The following SMC6 variants were observed in gnomAD, a reference collection of about 807,000 sequenced individuals.
SMC6 encodes structural maintenance of chromosomes 6, also known as structural maintenance of chromosomes protein 6.
SMC6 carries 79 observed loss-of-function variants against 142.2 expected under a neutral mutation model. The ratio of observed to expected loss-of-function variants is 0.56; its 90% CI spans 0.46 to 0.67. The LOEUF (loss-of-function observed/expected upper bound fraction) is 0.67. Ranked by LOEUF, SMC6 falls within the 30% of genes least tolerant of loss-of-function variation. SMC6 has a pLI of 0.00. For synonymous variants in SMC6, 411 were observed against 412.4 expected (o/e 1.00, Z 0.04); for missense variants, 1,072 against 1,284.0 (o/e 0.83, Z 2.52).
chr2:17,738,237 C>T lies in SMC6; in HGVS notation c.328G>A (p.Val110Met). 2 of 1,612,614 alleles carry T rather than the reference C, an allele frequency of 1.2e-6. No individual in the cohort carries two copies. Among genetic ancestry groups the T allele is most frequent in the East Asian group, 2.2e-5 (1 of 44,858 alleles). The change falls in exon 5 of 28, where the codon GTG (valine) becomes ATG (methionine). Residue 110 changes from valine to methionine, a missense_variant. Coordinates refer to ENST00000448223, the MANE Select transcript of SMC6 (RefSeq NM_001142286.2). ...AACACTTACTTCTGTCCATCTTTCA[C>T]AAAACCTTTTAAAGAGGATCCTCTA... ...TNRGSSLKGFVKDGQNSADIS... is the reference protein window; with the variant it reads ...TNRGSSLKGFMKDGQNSADIS...
chr2:17,713,790 A>G (rs1285616234), intron 16 of SMC6, among the ~76,000 whole-genome samples: 3 of 152,252 alleles, frequency 2.0e-5, no homozygotes, highest in South Asian at 4.1e-4. Flanking sequence ...ATAACTCCCA[A>G]TGTCATGCTT....
At chr2:17,684,714 C>CTA (rs1667373047) in intron 23 of SMC6, among the ~76,000 whole-genome samples, 1 of 152,126 alleles carries the variant, frequency 6.6e-6, no homozygotes, top group African/African-American at 2.4e-5. Context: ...GTGGTCCCAG[C>CTA]TACTCAGGAG....
At chr2:17,674,154 A>C (rs1246830659) in intron 25 of SMC6, among the ~76,000 whole-genome samples, 1 of 152,150 alleles carries the variant, frequency 6.6e-6, no homozygotes, top group Admixed American at 6.5e-5. Context: ...TTAGATCATT[A>C]ATGTTCAGCC....
intron 23 of SMC6, among the ~76,000 whole-genome samples, chr2:17,684,301 C>T (rs1006885635): frequency 2.0e-5 from 3 of 152,150 alleles, no homozygotes; most frequent in African/African-American, 7.2e-5. Flanking sequence ...AAAGGCAACC[C>T]TGGTCGAGGC....
In SMC6 at chr2:17,707,344, T is replaced by C; in HGVS notation, c.1881A>G (p.Gln627=). ...CTTCTCTACAATTTTTGGGTGGCTT[T>C]TGGGACTGCATTACTGCACGAGCTA... ...NSVARAVMQS[Q]KPPKNCREAF... is the part of the protein sequence containing the mutation. Residue 627 remains glutamine (Q), a synonymous_variant, in exon 18 of 28, where the codon CAA becomes CAG. Coordinates refer to ENST00000448223, the MANE Select transcript of SMC6 (RefSeq NM_001142286.2). 1 of 1,599,618 alleles carries C rather than the reference T, an allele frequency of 6.3e-7. No homozygotes were observed.
rs966232312 is a variant in SMC6, at chr2:17,715,735, A to G, written c.1525+351T>C. Among the ~76,000 whole-genome samples, 5 of 152,144 alleles carry G rather than the reference A, an allele frequency of 3.3e-5. No homozygotes were observed. The South Asian group carries it at 8.3e-4, about 25-fold the overall frequency. Reference sequence around the variant, plus strand: ...AAATAGAAACTAAGAAAGAAAAGTCATTTTAAAAAGATTACCAAAATTCAG... The same window carrying G: ...AAATAGAAACTAAGAAAGAAAAGTCGTTTTAAAAAGATTACCAAAATTCAG... On this transcript the variant is annotated intron_variant, in intron 15 of 27. Transcript: ENST00000448223.
chr2:17,706,740 A>T (rs1668529299), intron 18 of SMC6, among the ~76,000 whole-genome samples: 1 of 152,120 alleles, frequency 6.6e-6, no homozygotes, highest in East Asian at 1.9e-4. Context: ...TGTCTATTCT[A>T]GTAGCTGTAT....
intron 16 of SMC6, among the ~76,000 whole-genome samples, chr2:17,714,419 A>C (rs1241124550): frequency 6.6e-6 from 1 of 152,142 alleles, no homozygotes; most frequent in Non-Finnish European, 1.5e-5. Context: ...AGTATTAGCC[A>C]GTAGTTAGCA....
rs1469347590 is a variant in SMC6 at position 17,740,214 on chromosome 2, T to C, written c.238+1398A>G. Among the ~76,000 whole-genome samples the C allele has an allele frequency of 2.0e-5, 3 of 152,240 alleles. No homozygotes were observed. The East Asian group carries it at 5.8e-4, about 29-fold the overall frequency. On this transcript the variant is annotated intron_variant, in intron 4 of 27. Coordinates refer to ENST00000448223, the MANE Select transcript of SMC6 (RefSeq NM_001142286.2). ...TCAGAACCCATCAGTATTTATTTCT[T>C]GTCCCATGTGACCCCTCTAAAACAG... is the stretch of plus-strand genomic sequence containing the variant.
chr2:17,732,760 A>G (rs1669973496), intron 5 of SMC6, among the ~76,000 whole-genome samples: 1 of 152,156 alleles, frequency 6.6e-6, no homozygotes, highest in Non-Finnish European at 1.5e-5. Context: ...CTGGCATTAA[A>G]AAGACATATT....
At chr2:17,706,960 AG>A (rs966179170) in intron 18 of SMC6, among the ~76,000 whole-genome samples, 1 of 152,190 alleles carries the variant, frequency 6.6e-6, no homozygotes, top group African/African-American at 2.4e-5. Context: ...CTTGAGGACA[AG>A]TAACAAATAG....
At chr2:17,702,894 C>A (rs1246660691) in intron 19 of SMC6, among the ~76,000 whole-genome samples, 1 of 152,058 alleles carries the variant, frequency 6.6e-6, no homozygotes, top group Non-Finnish European at 1.5e-5. Context: ...TATTAATTAC[C>A]CAGTCTTGGG....
At position 17,696,502 on chromosome 2, in the gene SMC6, G is replaced by A. The variant is rs371186948; in HGVS notation, c.2395-76C>T. ...TAGGTATAAAGATAATAAACAACTC[G>A]GTAAAGTGGCTAGGATTATGCTGTT... On this transcript the variant is annotated intron_variant, in intron 21 of 27. Coordinates refer to ENST00000448223, the MANE Select transcript of SMC6 (RefSeq NM_001142286.2). The A allele has an allele frequency of 2.4e-5, 35 of 1,450,000 alleles. No homozygotes were observed. The South Asian group carries it at 3.5e-4, about 14-fold the overall frequency. 89.8% of individuals were successfully genotyped at this position (1,450,000 alleles called of 1,614,324 possible). A position where few individuals can be genotyped will look rare whatever the true frequency, so the allele number is the denominator to read the frequency against.
In SMC6 at chr2:17,703,893, G is replaced by A. The variant is rs1210441043; in HGVS notation, c.2007-601C>T. 5.3e-5 allele frequency among the ~76,000 whole-genome samples: 8 copies of A among 151,376 alleles called. No individual in the cohort carries two copies. The South Asian group carries it at 1.0e-3, about 20-fold the overall frequency. Reference sequence around the variant, plus strand: ...ATAACATCTAAAATATATATTAATCGGCTATTTATATTATCAGTAAGGCTT... The same window carrying A: ...ATAACATCTAAAATATATATTAATCAGCTATTTATATTATCAGTAAGGCTT... On this transcript the variant is annotated intron_variant, in intron 18 of 27. Transcript: ENST00000448223.
chr2:17,749,998 A>T (rs1042844844), intron 2 of SMC6, among the ~76,000 whole-genome samples: 1 of 152,244 alleles, frequency 6.6e-6, no homozygotes, highest in Admixed American at 6.5e-5. Flanking sequence ...TATGGTAAAC[A>T]ACTTCATTTT....
At chr2:17,736,682 G>A (rs1432491651) in intron 5 of SMC6, among the ~76,000 whole-genome samples, 1 of 150,616 alleles carries the variant, frequency 6.6e-6, no homozygotes, top group East Asian at 1.9e-4. Context: ...GAGCCCAGGA[G>A]TTCGAGGCCA....
chr2:17,738,584 G>T (rs1452032437), intron 4 of SMC6, among the ~76,000 whole-genome samples: 2 of 152,178 alleles, frequency 1.3e-5, no homozygotes, highest in Non-Finnish European at 2.9e-5. Context: ...AAAGAAAATG[G>T]TAAAAATTGT....
At chr2:17,753,305 G>C (rs914543087) in intron 1 of SMC6, among the ~76,000 whole-genome samples, 4 of 143,256 alleles carry the variant, frequency 2.8e-5, no homozygotes, top group Admixed American at 2.8e-4. Context: ...ACAGTTATTC[G>C]CCACAGCCCG....
chr2:17,664,931 T>TG lies in SMC6; in HGVS notation c.*567dup, dbSNP rs1490904895. On this transcript the variant is annotated 3_prime_UTR_variant, in exon 28 of 28. Transcript: ENST00000448223. ...CTGCGTCATTATCCAGTTCTGATAC[T>TG]GGTTATAAGCTCTTGGTAGGGTGGA... 1 of 152,330 alleles carries TG rather than the reference T, an allele frequency of 6.6e-6. No homozygotes were observed. Among genetic ancestry groups the TG allele is most frequent in the African/African-American group, 2.4e-5 (1 of 41,448 alleles). 9.4% of individuals were successfully genotyped at this position (152,330 alleles called of 1,614,324 possible). A position where few individuals can be genotyped will look rare whatever the true frequency, so the allele number is the denominator to read the frequency against.
Sources: allele counts gnomAD v4.1 joint callset (sites outside exome capture counted in the v4.1 genomes callset), GRCh38; gene constraint gnomAD v4.1.1; transcripts MANE v1.5; gene names NCBI Gene and HGNC (gene_info 2026-07-23, HGNC 2026-07-21).